DOCK4: variants seen among roughly 807,000 people sequenced by gnomAD.
DOCK4 encodes dedicator of cytokinesis protein 4.
DOCK4 carries 97 observed loss-of-function variants against 268.1 expected under a neutral mutation model. The observed-to-expected ratio is 0.36, with a 90% CI of 0.31 to 0.43. DOCK4 has a LOEUF of 0.43. DOCK4 is among the 20% of genes least tolerant of loss of function. DOCK4 has a pLI of 1.00. For synonymous variants in DOCK4, 954 were observed against 887.2 expected, an observed-to-expected ratio of 1.08 and a Z score of -1.34; for missense variants, 2,145 against 2,455.7, an observed-to-expected ratio of 0.87 and a Z score of 2.67.
intron 1 of DOCK4, among the ~76,000 whole-genome samples, chr7:112,097,721 A>C (rs1337663922): frequency 6.6e-6 from 1 of 152,222 alleles, no homozygotes; most frequent in African/African-American, 2.4e-5. Flanking sequence ...TATGAACAGA[A>C]CTTGGTCATT....
chr7:112,066,992 AC>A (rs201613178), intron 1 of DOCK4, among the ~76,000 whole-genome samples: 1 of 148,656 alleles, frequency 6.7e-6, no homozygotes, highest in African/African-American at 2.6e-5. Context: ...ACACACACAC[AC>A]ACAAAAAAAC....
intron 1 of DOCK4, among the ~76,000 whole-genome samples, chr7:112,188,443 A>G (rs1819646514): frequency 6.6e-6 from 1 of 152,258 alleles, no homozygotes; most frequent in African/African-American, 2.4e-5. Context: ...AACCAAAATT[A>G]GAATCCTGGC....
chr7:111,741,879 T>C (rs1208462977), intron 45 of DOCK4, 134 bp downstream of exon 45: 1 of 1,333,370 alleles, frequency 7.5e-7, no homozygotes. Context: ...CAATTGTATT[T>C]GAGGGCTCCC....
chr7:112,091,674 A>G (rs1376897501), intron 1 of DOCK4, among the ~76,000 whole-genome samples: 1 of 152,158 alleles, frequency 6.6e-6, no homozygotes, highest in Non-Finnish European at 1.5e-5. Context: ...CCCTGAAAAG[A>G]GCAGAGGCAA....
intron 1 of DOCK4, among the ~76,000 whole-genome samples, chr7:112,154,719 A>C (rs1341733790): frequency 6.6e-6 from 1 of 152,186 alleles, no homozygotes; most frequent in Non-Finnish European, 1.5e-5. Context: ...AAGGGAAGAC[A>C]CTTCATGCAG....
intron 1 of DOCK4, among the ~76,000 whole-genome samples, chr7:112,098,962 T>C (rs1044724779): frequency 6.6e-6 from 1 of 152,064 alleles, no homozygotes; most frequent in Non-Finnish European, 1.5e-5. Flanking sequence ...AATACTTAAT[T>C]ATCCCATTTG....
intron 1 of DOCK4, among the ~76,000 whole-genome samples, chr7:112,129,389 C>T (rs961408567): frequency 4.6e-5 from 7 of 152,012 alleles, no homozygotes; most frequent in African/African-American, 1.7e-4. Flanking sequence ...ATGGGTACAC[C>T]TATAAAGGGG....
intron 8 of DOCK4, among the ~76,000 whole-genome samples, chr7:111,976,268 ATTATATATATATAT>A (rs1798187049): frequency 3.5e-5 from 2 of 56,400 alleles, no homozygotes; most frequent in African/African-American, 1.5e-4. Flanking sequence ...ATGTGTGTCT[ATTATATATATATAT>A]ATATATATAT....
intron 8 of DOCK4, among the ~76,000 whole-genome samples, chr7:111,963,543 C>A (rs1361162577): frequency 4.4e-5 from 2 of 45,632 alleles, no homozygotes; most frequent in Admixed American, 4.9e-4. Context: ...CCACACCTGG[C>A]TCAGAGGGTC....
intron 1 of DOCK4, among the ~76,000 whole-genome samples, chr7:112,087,642 C>T (rs993326201): frequency 4.6e-5 from 7 of 152,004 alleles, no homozygotes; most frequent in African/African-American, 1.4e-4. Context: ...AAAAAGATAT[C>T]GTTATCTAAA....
rs779753390 is a variant in DOCK4, at chr7:111,741,573, C to T, written c.4886G>A (p.Ser1629Asn). 6.2e-7 allele frequency: 1 copy of T among 1,613,472 alleles called. No individual in the cohort carries two copies. Among genetic ancestry groups the T allele is most frequent in the South Asian group, 1.1e-5 (1 of 90,936 alleles). The change falls in exon 46 of 53, where the codon AGC becomes AAC. Residue 1629 changes from serine to asparagine, a missense_variant. Around this residue, in one of 2 missense-constraint regions of DOCK4, gnomAD observed 547 missense variants for 469.0 expected, o/e 1.17. Coordinates refer to ENST00000428084, the MANE Select transcript of DOCK4 (RefSeq NM_001363540.2). ...AGGAATTACCCTGGTACCATCTGGG[C>T]TCACAGAAGCAGGTGCTGAGTTTCT... ...VCRNSAPASV[S>N]PDGTRVIPRR...
intron 1 of DOCK4, among the ~76,000 whole-genome samples, chr7:112,094,657 G>A (rs1393176452): frequency 6.6e-6 from 1 of 152,088 alleles, no homozygotes; most frequent in Non-Finnish European, 1.5e-5. Flanking sequence ...ACAGTATATT[G>A]CAATGACCAA....
chr7:112,130,648 A>T (rs1003066813), intron 1 of DOCK4, among the ~76,000 whole-genome samples: 2 of 152,242 alleles, frequency 1.3e-5, no homozygotes, highest in Non-Finnish European at 2.9e-5. Flanking sequence ...TCAGAAAAAA[A>T]TACGCTCTGA....
chr7:111,831,943 T>A (rs1802845214), intron 26 of DOCK4, among the ~76,000 whole-genome samples: 1 of 152,146 alleles, frequency 6.6e-6, no homozygotes, highest in South Asian at 2.1e-4. Flanking sequence ...TATCAAATGA[T>A]CAACAACTAT....
intron 4 of DOCK4, among the ~76,000 whole-genome samples, chr7:111,997,336 A>C (rs897899415): frequency 6.6e-6 from 1 of 152,230 alleles, no homozygotes; most frequent in Non-Finnish European, 1.5e-5. Context: ...TTATGCTTTT[A>C]ATCTATTATT....
intron 1 of DOCK4, among the ~76,000 whole-genome samples, chr7:112,141,677 G>A (rs1200095375): frequency 2.0e-5 from 3 of 152,116 alleles, no homozygotes; most frequent in African/African-American, 7.2e-5. Flanking sequence ...TCCCCTCTTT[G>A]CAACACTACG....
chr7:111,814,827 G>A (rs1271995388), intron 27 of DOCK4, among the ~76,000 whole-genome samples: 2 of 152,146 alleles, frequency 1.3e-5, no homozygotes, highest in African/African-American at 2.4e-5. Flanking sequence ...TTGGGCCTGT[G>A]AGCCTTTCAG....
chr7:111,880,335 A>G (rs56394909), intron 16 of DOCK4, among the ~76,000 whole-genome samples: 32,335 of 152,136 alleles, frequency 0.21, 4,671 homozygotes, highest in African/African-American at 0.41. Context: ...TTTACCCTAG[A>G]ATAGTATATC....
At chr7:112,076,020 T>C (rs968492970) in intron 1 of DOCK4, among the ~76,000 whole-genome samples, 18 of 152,170 alleles carry the variant, frequency 1.2e-4, no homozygotes, top group African/African-American at 3.9e-4. Context: ...CATTTGACAC[T>C]TTTTCTATAT....
Sources: gnomAD v4.1 joint callset for allele counts (sites outside exome capture counted in the v4.1 genomes callset) on GRCh38, gnomAD v4.1.1 for gene constraint, gnomAD v4.1.1 regional missense constraint, MANE v1.5 for transcripts, NCBI Gene and HGNC (gene_info 2026-07-23, HGNC 2026-07-21) for gene names.